C17orf113: variants seen among roughly 807,000 people sequenced by gnomAD.
C17orf113 encodes the protein uncharacterized protein C17orf113.
Under a neutral mutation model 11.6 loss-of-function variants are expected in C17orf113, and 5 were observed. That is an observed-to-expected ratio of 0.43 (90% CI 0.23 to 0.91). The LOEUF (loss-of-function observed/expected upper bound fraction) is 0.91. Among genes scored for constraint, C17orf113 ranks in the 40% least tolerant of loss-of-function variants. C17orf113 has a pLI of 0.26. For missense variants in C17orf113, 714 were observed against 841.3 expected, an observed-to-expected ratio of 0.85 and a Z score of 1.87; for synonymous variants, 327 against 390.6, an observed-to-expected ratio of 0.84 and a Z score of 1.92.
At position 42,040,673 on chromosome 17, in the gene C17orf113, A is replaced by G; in HGVS notation, c.1060T>C (p.Trp354Arg). The G allele has an allele frequency of 3.2e-6, 4 of 1,232,332 alleles. No individual in the cohort carries two copies. The highest frequency in any genetic ancestry group is 4.0e-6 in the Non-Finnish European group (4 of 988,072). 76.3% of individuals were successfully genotyped at this position (1,232,332 alleles called of 1,614,324 possible). The change falls in exon 3 of 3, where the codon TGG (tryptophan) becomes CGG (arginine). Residue 354 changes from tryptophan to arginine, a missense_variant. By Grantham distance (101) the Trp-to-Arg change is moderately radical (BLOSUM62 -3). Transcript: ENST00000587304. ...IDLAGPRPVP[W>R]ASLLPVVEAV... is the part of the protein sequence containing the mutation. ...TCCACTACAGGCAGCAGGGAGGCCCAGGGCACTGGCCGAGGCCCTGCCAAG... is the reference window on the plus strand; with the variant it reads ...TCCACTACAGGCAGCAGGGAGGCCCGGGGCACTGGCCGAGGCCCTGCCAAG...
At chr17:42,047,517 T>G (rs9911974) in intron 1 of C17orf113, among the ~76,000 whole-genome samples, 109,608 of 151,930 alleles carry the variant, frequency 0.72, 42,145 homozygotes, top group South Asian at 0.85. Context: ...CCACTTGACA[T>G]GTATACCAGT....
chr17:42,042,911 T>C lies in C17orf113; in HGVS notation c.466A>G (p.Arg156Gly). 1 of 1,232,380 alleles carries C rather than the reference T, an allele frequency of 8.1e-7. No individual in the cohort carries two copies. 76.3% of individuals were successfully genotyped at this position (1,232,380 alleles called of 1,614,324 possible). ...DRCSALLELQRFNLCQALLGT... is the reference protein window; with the variant it reads ...DRCSALLELQGFNLCQALLGT... ...AGCAGTGCCTGGCACAGGTTGAACC[T>C]CTGCAGCTCGAGCAGGGCAGAGCAG... Residue 156 changes from arginine to glycine, a missense_variant, in exon 2 of 3, where the codon AGG becomes GGG. Around this residue, in one of 3 missense-constraint regions of C17orf113, gnomAD observed 516 missense variants for 626.6 expected, o/e 0.82. Coordinates refer to ENST00000587304, the MANE Select transcript of C17orf113 (RefSeq NM_001358661.2).
At position 42,039,907 on chromosome 17, in the gene C17orf113, G is replaced by T; in HGVS notation, c.1826C>A (p.Ala609Glu). 1 of 1,231,312 alleles carries T rather than the reference G, an allele frequency of 8.1e-7. No individual in the cohort carries two copies. Among genetic ancestry groups the T allele is most frequent in the Non-Finnish European group, 1.0e-6 (1 of 987,640 alleles). The allele number at this position is 1,231,312 out of a possible 1,614,324, so 76.3% of individuals were successfully genotyped here. The change falls in exon 3 of 3, where the codon GCG (alanine) becomes GAG (glutamate). Residue 609 changes from alanine to glutamate, a missense_variant. Physicochemically the swap from Ala to Glu is moderately radical, Grantham distance 107. This residue lies in a region of C17orf113 where 194 missense variants were observed against 197.2 expected (regional missense o/e 0.98). Coordinates refer to ENST00000587304, the MANE Select transcript of C17orf113 (RefSeq NM_001358661.2). Reference protein sequence around the residue: ...ALAALALALPAGAGLLDKVGR... With the variant: ...ALAALALALPEGAGLLDKVGR... ...GACCTTGTCCAGCAGGCCAGCGCCC[G>T]CGGGCAGCGCCAAAGCCAAGGCGGC...
chr17:42,040,130 T>A lies in C17orf113; in HGVS notation c.1603A>T (p.Thr535Ser). The change falls in exon 3 of 3, where the codon ACG (threonine) becomes TCG (serine). Residue 535 changes from threonine to serine, a missense_variant. Transcript: ENST00000587304. ...ACCCGCAGCGCCCCCTCGCCATGCG[T>A]GCCCAGCTCCTCCGGCGCCTGCGGG... ...RYPQAPEELG[T>S]HGEGALRVLL... 2.4e-6 allele frequency: 3 copies of A among 1,231,394 alleles called. No homozygotes were observed. The highest frequency in any genetic ancestry group is 8.2e-5 in the South Asian group (2 of 24,324). The allele number at this position is 1,231,394 out of a possible 1,614,324, so 76.3% of individuals were successfully genotyped here.
chr17:42,042,820 T>C lies in C17orf113; in HGVS notation c.543+14A>G, dbSNP rs2053056609. 1 of 1,232,200 alleles carries C rather than the reference T, an allele frequency of 8.1e-7. No individual in the cohort carries two copies. The highest frequency in any genetic ancestry group is 3.2e-5 in the East Asian group (1 of 31,710). 76.3% of individuals were successfully genotyped at this position (1,232,200 alleles called of 1,614,324 possible). On this transcript the variant is annotated intron_variant, in intron 2 of 2. Coordinates refer to ENST00000587304, the MANE Select transcript of C17orf113 (RefSeq NM_001358661.2). ...TTCCCAAGCCCTTCCCCCATACTTC[T>C]GGCTGTCACCCACCTGCATGTCCCT...
intron 1 of C17orf113, among the ~76,000 whole-genome samples, chr17:42,049,065 A>G (rs1371078662): frequency 5.9e-5 from 9 of 152,056 alleles, no homozygotes; most frequent in African/African-American, 2.2e-4. Flanking sequence ...TCTGGTGGCC[A>G]CTTGTGTCTC....
At chr17:42,048,243 A>G (rs1007838198) in intron 1 of C17orf113, among the ~76,000 whole-genome samples, 2 of 152,096 alleles carry the variant, frequency 1.3e-5, no homozygotes, top group East Asian at 3.9e-4. Context: ...ATCCTTATAA[A>G]TATGCCATTC....
Position 42,039,258 on chromosome 17 carries a change from GA to G in C17orf113, c.*446del. The stretch of plus-strand genomic sequence containing the variant: ...AGAGCAAGACTCCATCTCAAAAAAA[GA>G]AAAAAAAAGAAAAGAAAAAGAAAGA... On this transcript the variant is annotated 3_prime_UTR_variant, in exon 3 of 3. Transcript: ENST00000587304. 3.3e-5 allele frequency: 5 copies of G among 153,382 alleles called. No individual in the cohort carries two copies. The highest frequency in any genetic ancestry group is 4.3e-5 in the Non-Finnish European group (3 of 69,878). The allele number at this position is 153,382 out of a possible 1,614,324, so 9.5% of individuals were successfully genotyped here.
intron 1 of C17orf113, among the ~76,000 whole-genome samples, chr17:42,048,098 C>G (rs905433305): frequency 1.3e-5 from 2 of 152,136 alleles, no homozygotes; most frequent in Non-Finnish European, 2.9e-5. Context: ...TCCTCCCCCC[C>G]TTCCCAACTT....
rs1018329476 is a variant in C17orf113, at chr17:42,039,838, C to T, written c.1895G>A (p.Gly632Glu). ...ELRWWGQSGAGEGRGGHMVKI... is the reference protein window; with the variant it reads ...ELRWWGQSGAEEGRGGHMVKI... Reference sequence around the variant, plus strand: ...CACCATGTGGCCCCCCCGGCCTTCCCCGGCCCCACTCTGCCCCCACCACCG... The same window carrying T: ...CACCATGTGGCCCCCCCGGCCTTCCTCGGCCCCACTCTGCCCCCACCACCG... Residue 632 changes from glycine to glutamate, a missense_variant, in exon 3 of 3, where the codon GGG (glycine) becomes GAG (glutamate). By Grantham distance (98) the Gly-to-Glu change is moderately conservative (BLOSUM62 -2). Around this residue, in one of 3 missense-constraint regions of C17orf113, gnomAD observed 194 missense variants for 197.2 expected, o/e 0.98. Coordinates refer to ENST00000587304, the MANE Select transcript of C17orf113 (RefSeq NM_001358661.2). The T allele has an allele frequency of 7.3e-6, 9 of 1,231,912 alleles. No homozygotes were observed. Among genetic ancestry groups the T allele is most frequent in the African/African-American group, 1.6e-5 (1 of 64,420 alleles). 76.3% of individuals were successfully genotyped at this position (1,231,912 alleles called of 1,614,324 possible).
At chr17:42,044,810 T>C (rs1203572757) in intron 1 of C17orf113, among the ~76,000 whole-genome samples, 1 of 152,092 alleles carries the variant, frequency 6.6e-6, no homozygotes, top group Non-Finnish European at 1.5e-5. Flanking sequence ...AGCTAGCCAG[T>C]TGCCTCTACC....
At chr17:42,042,141 G>A (rs2053037344) in intron 2 of C17orf113, among the ~76,000 whole-genome samples, 1 of 152,076 alleles carries the variant, frequency 6.6e-6, no homozygotes, top group Non-Finnish European at 1.5e-5. Context: ...CGGGGCCAAG[G>A]CAGGAGGATT....
Position 42,039,412 on chromosome 17 carries a change from A to G in C17orf113, c.*293T>C, listed in dbSNP as rs1432586214. The G allele has an allele frequency of 3.2e-6, 1 of 308,806 alleles. No individual in the cohort carries two copies. Among genetic ancestry groups the G allele is most frequent in the African/African-American group, 2.2e-5 (1 of 46,510 alleles). 19.1% of individuals were successfully genotyped at this position (308,806 alleles called of 1,614,324 possible). ...CAAACTTGCCCCGAGTCCAGAAGGG[A>G]AAAGGGTGAGCTACTCCTCATCTAA... is the stretch of plus-strand genomic sequence containing the variant. On this transcript the variant is annotated 3_prime_UTR_variant, in exon 3 of 3. Coordinates refer to ENST00000587304, the MANE Select transcript of C17orf113 (RefSeq NM_001358661.2).
Position 42,039,828 on chromosome 17 carries a change from C to G in C17orf113, c.1905G>C (p.Arg635=). The change falls in exon 3 of 3, where the codon CGG becomes CGC. Residue 635 remains arginine (R), a synonymous_variant. Transcript: ENST00000587304. ...WWGQSGAGEG[R]GGHMVKIAVD... ...CTGCGATCTTCACCATGTGGCCCCC[C>G]CGGCCTTCCCCGGCCCCACTCTGCC... The G allele has an allele frequency of 2.4e-6, 3 of 1,232,078 alleles. No homozygotes were observed. Among genetic ancestry groups the G allele is most frequent in the Non-Finnish European group, 3.0e-6 (3 of 988,024 alleles). 76.3% of individuals were successfully genotyped at this position (1,232,078 alleles called of 1,614,324 possible). A position where few individuals can be genotyped will look rare whatever the true frequency, so the allele number is the denominator to read the frequency against.
chr17:42,039,653 C>A lies in C17orf113; in HGVS notation c.*52G>T. 8.1e-7 allele frequency: 1 copy of A among 1,229,644 alleles called. No individual in the cohort carries two copies. The highest frequency in any genetic ancestry group is 4.1e-5 in the South Asian group (1 of 24,236). The allele number at this position is 1,229,644 out of a possible 1,614,324, so 76.2% of individuals were successfully genotyped here. A position where few individuals can be genotyped will look rare whatever the true frequency, so the allele number is the denominator to read the frequency against. On this transcript the variant is annotated 3_prime_UTR_variant, in exon 3 of 3. Transcript: ENST00000587304. ...CAGCATGGTCAAGTCTAGGTTGGCC[C>A]TTACAGTGCCCAGGGCCCCAGGCTG... is the stretch of plus-strand genomic sequence containing the variant.
intron 1 of C17orf113, among the ~76,000 whole-genome samples, chr17:42,045,547 G>C (rs1364177674): frequency 6.6e-6 from 1 of 152,178 alleles, no homozygotes; most frequent in Non-Finnish European, 1.5e-5. Flanking sequence ...ACTTTAACTG[G>C]CTTGCTCCAG....
At chr17:42,044,564 C>T (rs1317868356) in intron 1 of C17orf113, among the ~76,000 whole-genome samples, 2 of 151,100 alleles carry the variant, frequency 1.3e-5, no homozygotes, top group African/African-American at 2.4e-5. Flanking sequence ...TGCAGTGAGC[C>T]GAGATCACGC....
At chr17:42,048,376 CAAAAAAAAA>C (rs34771406) in intron 1 of C17orf113, among the ~76,000 whole-genome samples, 4 of 124,848 alleles carry the variant, frequency 3.2e-5, no homozygotes, top group African/African-American at 6.1e-5. Flanking sequence ...CTGTCTTTAC[CAAAAAAAAA>C]AAAAAAAAAA....
At chr17:42,045,111 GT>G (rs797031546) in intron 1 of C17orf113, among the ~76,000 whole-genome samples, 6 of 152,338 alleles carry the variant, frequency 3.9e-5, no homozygotes, top group African/African-American at 1.4e-4. Context: ...TGGAGACGGG[GT>G]TTCACCGTGT....
Sources: allele counts gnomAD v4.1 joint callset (sites outside exome capture counted in the v4.1 genomes callset), GRCh38; gene constraint gnomAD v4.1.1; regional missense constraint gnomAD v4.1.1; transcripts MANE v1.5; gene names NCBI Gene and HGNC (gene_info 2026-07-23, HGNC 2026-07-21).